ARMH4: variants seen among roughly 807,000 people sequenced by gnomAD.
ARMH4 encodes the protein armadillo-like helical domain-containing protein 4.
In ARMH4, 49 loss-of-function variants were observed where a neutral mutation model predicts 61.9. That is an observed-to-expected ratio of 0.79 (90% CI 0.63 to 1.00). ARMH4 has a LOEUF of 1.00. Ranked by LOEUF, ARMH4 falls within the 50% of genes least tolerant of loss-of-function variation. The probability of loss-of-function intolerance (pLI) is 0.00; values close to 1 mark genes in which losing one functional copy is unlikely to be tolerated. For missense variants in ARMH4, 934 were observed against 930.0 expected (o/e 1.00, Z -0.06); for synonymous variants, 368 against 341.5 (o/e 1.08, Z -0.85).
At chr14:58,118,310 T>C (rs1886598507) in intron 4 of ARMH4, among the ~76,000 whole-genome samples, 1 of 152,154 alleles carries the variant, frequency 6.6e-6, no homozygotes, top group Non-Finnish European at 1.5e-5. Context: ...TGGGATGGAA[T>C]TTTCTCTGAA....
chr14:58,132,581 CTTTTTTTTTT>C (rs71448942), intron 3 of ARMH4, among the ~76,000 whole-genome samples: 1 of 86,022 alleles, frequency 1.2e-5, no homozygotes, highest in Non-Finnish European at 2.3e-5. Flanking sequence ...ACCCTTGTCC[CTTTTTTTTTT>C]TTTTTTTTTT....
At chr14:58,119,549 C>T (rs954509600) in intron 4 of ARMH4, among the ~76,000 whole-genome samples, 1 of 152,174 alleles carries the variant, frequency 6.6e-6, no homozygotes, top group African/African-American at 2.4e-5. Flanking sequence ...CAAAAGCCAC[C>T]ACACATGGAA....
rs1337343833 is a variant in ARMH4 at position 58,012,120 on chromosome 14, T to C, written c.2120A>G (p.Lys707Arg). 2.0e-6 allele frequency: 3 copies of C among 1,484,592 alleles called. No homozygotes were observed. Among genetic ancestry groups the C allele is most frequent in the Non-Finnish European group, 1.8e-6 (2 of 1,084,624 alleles). The allele number at this position is 1,484,592 out of a possible 1,614,324, so 92.0% of individuals were successfully genotyped here. A position where few individuals can be genotyped will look rare whatever the true frequency, so the allele number is the denominator to read the frequency against. Reference protein sequence around the residue: ...VRSWMEKLKDKAGYMSGMLVP... With the variant: ...VRSWMEKLKDRAGYMSGMLVP... Reference sequence around the variant, plus strand: ...AATGGAAGAAAATACTTTTCTTACCTTGTCTTTTAATTTTTCCATCCAGCT... The same window carrying C: ...AATGGAAGAAAATACTTTTCTTACCCTGTCTTTTAATTTTTCCATCCAGCT... Residue 707 changes from lysine (K) to arginine (R), a missense_variant and splice_region_variant, in exon 6 of 8, where the codon AAG becomes AGG. Lys to Arg is a conservative substitution (Grantham distance 26). Transcript: ENST00000267485.
chr14:58,133,374 A>C, intron 2 of ARMH4, 33 bp from the exon 3 acceptor site: 2 of 1,536,938 alleles, frequency 1.3e-6, no homozygotes, highest in East Asian at 2.3e-5. Flanking sequence ...AAAATAGACC[A>C]AATCCCTATT....
chr14:58,013,416 T>G (rs1054638904), intron 5 of ARMH4, among the ~76,000 whole-genome samples: 3 of 150,106 alleles, frequency 2.0e-5, no homozygotes, highest in African/African-American at 7.3e-5. Flanking sequence ...GCATTCGCAT[T>G]CTTTGCTCAG....
intron 4 of ARMH4, among the ~76,000 whole-genome samples, chr14:58,109,330 T>G (rs72716913): frequency 0.041 from 6,239 of 152,268 alleles, 172 homozygotes; most frequent in African/African-American, 0.079. Flanking sequence ...GTAGCTTCAA[T>G]ATAGTTTTTT....
rs746686749 is a variant in ARMH4 at position 58,138,443 on chromosome 14, C to G, written c.916G>C (p.Ala306Pro). ...VTVSVSTAVP[A>P]ASALSDEWDD... Reference sequence around the variant, plus strand: ...CACTCATCACTTAAGGCAGAGGCAGCTGGAACAGCTGTGCTGACACTCACT... The same window carrying G: ...CACTCATCACTTAAGGCAGAGGCAGGTGGAACAGCTGTGCTGACACTCACT... The change falls in exon 2 of 8, where the codon GCT becomes CCT. Residue 306 changes from alanine to proline, a missense_variant. By Grantham distance (27) the Ala-to-Pro change is conservative (BLOSUM62 -1). Transcript: ENST00000267485. 6.8e-6 allele frequency: 11 copies of G among 1,614,248 alleles called. No homozygotes were observed. The highest frequency in any genetic ancestry group is 1.1e-5 in the South Asian group (1 of 91,088).
At chr14:58,093,403 G>A (rs1885638722) in intron 5 of ARMH4, among the ~76,000 whole-genome samples, 1 of 152,050 alleles carries the variant, frequency 6.6e-6, no homozygotes, top group Admixed American at 6.6e-5. Flanking sequence ...TGTTCCCCAG[G>A]CTGTCCTCAA....
chr14:58,047,690 G>T (rs866441336), intron 5 of ARMH4, among the ~76,000 whole-genome samples: 20 of 152,254 alleles, frequency 1.3e-4, no homozygotes, highest in African/African-American at 3.1e-4. Context: ...CAAAATTAAT[G>T]ATAGAGTCTG....
At chr14:58,140,175 T>G (rs1441304655) in intron 1 of ARMH4, among the ~76,000 whole-genome samples, 1 of 149,890 alleles carries the variant, frequency 6.7e-6, no homozygotes, top group African/African-American at 2.5e-5. Flanking sequence ...CTCAGGAGAC[T>G]GAGGCGAGAG....
intron 5 of ARMH4, among the ~76,000 whole-genome samples, chr14:58,042,865 G>A (rs918118199): frequency 4.6e-5 from 7 of 152,194 alleles, no homozygotes; most frequent in East Asian, 1.9e-4. Flanking sequence ...TAAATTCCTA[G>A]ACACATACAC....
intron 5 of ARMH4, among the ~76,000 whole-genome samples, chr14:58,012,706 A>G (rs1245744474): frequency 6.6e-6 from 1 of 152,222 alleles, no homozygotes; most frequent in Non-Finnish European, 1.5e-5. Flanking sequence ...ATAACTTGTG[A>G]ACTGTACCAT....
At chr14:58,130,044 C>A (rs1056910632) in intron 4 of ARMH4, among the ~76,000 whole-genome samples, 1 of 152,176 alleles carries the variant, frequency 6.6e-6, no homozygotes, top group African/African-American at 2.4e-5. Flanking sequence ...TGCAGTTTCA[C>A]AAGTATGGAT....
At chr14:58,090,404 A>C (rs991540719) in intron 5 of ARMH4, among the ~76,000 whole-genome samples, 1 of 152,106 alleles carries the variant, frequency 6.6e-6, no homozygotes, top group Non-Finnish European at 1.5e-5. Context: ...ATAGAACAAC[A>C]CAGAAACCAT....
intron 5 of ARMH4, among the ~76,000 whole-genome samples, chr14:58,014,571 A>T (rs1280250675): frequency 6.6e-6 from 1 of 152,184 alleles, no homozygotes; most frequent in Non-Finnish European, 1.5e-5. Flanking sequence ...GGTAAGTAAA[A>T]TACGAGTATT....
At chr14:58,059,426 C>T (rs1336550672) in intron 5 of ARMH4, among the ~76,000 whole-genome samples, 1 of 152,152 alleles carries the variant, frequency 6.6e-6, no homozygotes, top group Non-Finnish European at 1.5e-5. Context: ...TCAGAAGAGC[C>T]CGGCAAGGAT....
intron 5 of ARMH4, among the ~76,000 whole-genome samples, chr14:58,060,036 C>T (rs1003132014): frequency 2.0e-5 from 3 of 152,142 alleles, no homozygotes; most frequent in Admixed American, 6.5e-5. Flanking sequence ...CAAAACCACC[C>T]TAGAACCTGC....
chr14:58,088,031 G>T (rs1487198558), intron 5 of ARMH4, among the ~76,000 whole-genome samples: 1 of 152,180 alleles, frequency 6.6e-6, no homozygotes, highest in Non-Finnish European at 1.5e-5. Context: ...GAACAGTTGG[G>T]AATGAGCAGC....
At chr14:58,081,406 A>G (rs1885221279) in intron 5 of ARMH4, among the ~76,000 whole-genome samples, 1 of 152,168 alleles carries the variant, frequency 6.6e-6, no homozygotes, top group African/African-American at 2.4e-5. Flanking sequence ...AATGAGTAAA[A>G]CAATTATGGT....
Sources: gnomAD v4.1 joint callset for allele counts (sites outside exome capture counted in the v4.1 genomes callset) on GRCh38, gnomAD v4.1.1 for gene constraint, MANE v1.5 for transcripts, NCBI Gene and HGNC (gene_info 2026-07-23, HGNC 2026-07-21) for gene names.